Variants in PCDHA7 observed in about 807,000 individuals in gnomAD.
The protein encoded by PCDHA7 is protocadherin alpha 7, also known as protocadherin alpha-7.
PCDHA7 carries 37 observed loss-of-function variants against 57.2 expected under a neutral mutation model. The ratio of observed to expected loss-of-function variants is 0.65; its 90% CI spans 0.50 to 0.85. The LOEUF (loss-of-function observed/expected upper bound fraction) is 0.85, where lower values mean the gene tolerates loss of function less well. PCDHA7 is among the 40% of genes least tolerant of loss of function. PCDHA7 has a pLI of 0.00. For synonymous variants in PCDHA7, 553 were observed against 558.8 expected (o/e 0.99, Z 0.15); for missense variants, 1,188 against 1,241.8 (o/e 0.96, Z 0.65).
At chr5:140,915,259 T>A (rs1344301014) in intron 1 of PCDHA7, among the ~76,000 whole-genome samples, 2 of 152,182 alleles carry the variant, frequency 1.3e-5, no homozygotes, top group African/African-American at 2.4e-5. Flanking sequence ...GTTGTTATTA[T>A]TTTTGACCAG....
At chr5:140,959,412 A>G (rs2153722176) in intron 1 of PCDHA7, among the ~76,000 whole-genome samples, 1 of 152,256 alleles carries the variant, frequency 6.6e-6, no homozygotes, top group African/African-American at 2.4e-5. Context: ...GTGTTGATTG[A>G]TCTGAGAATT....
chr5:140,950,536 T>A (rs182006309), intron 1 of PCDHA7, among the ~76,000 whole-genome samples: 1 of 152,222 alleles, frequency 6.6e-6, no homozygotes, highest in East Asian at 1.9e-4. Flanking sequence ...TTTTTGTTGC[T>A]CTTGCATGGC....
At chr5:140,973,358 A>G (rs1450961086) in intron 1 of PCDHA7, among the ~76,000 whole-genome samples, 1 of 152,234 alleles carries the variant, frequency 6.6e-6, no homozygotes, top group Non-Finnish European at 1.5e-5. Flanking sequence ...GTGAATTTAT[A>G]AAAATTGCAC....
intron 1 of PCDHA7, among the ~76,000 whole-genome samples, chr5:140,910,901 C>T (rs1433262630): frequency 6.6e-6 from 1 of 152,142 alleles, no homozygotes; most frequent in African/African-American, 2.4e-5. Context: ...CTATGCCTGT[C>T]CTCCAGATTT....
chr5:140,891,756 G>A (rs782304941), intron 1 of PCDHA7, among the ~76,000 whole-genome samples: 20 of 152,144 alleles, frequency 1.3e-4, no homozygotes, highest in Non-Finnish European at 2.5e-4. Flanking sequence ...AACAGTGTTG[G>A]GAGGTGGGGA....
intron 1 of PCDHA7, among the ~76,000 whole-genome samples, chr5:140,912,343 AT>A (rs35252606): frequency 0.42 from 59,775 of 143,548 alleles, 12,483 homozygotes; most frequent in African/African-American, 0.57. Context: ...TACACTAAGT[AT>A]TTTTTTTTTT....
At chr5:140,883,521 T>G in intron 1 of PCDHA7, 1 of 1,614,202 alleles carries the variant, frequency 6.2e-7, no homozygotes, top group Non-Finnish European at 8.5e-7. Flanking sequence ...CGCGAGAGCG[T>G]ATCAGCCTAT....
In PCDHA7 at chr5:140,834,672, G is replaced by T; in HGVS notation, c.289G>T (p.Gly97Trp). 6.2e-7 allele frequency: 1 copy of T among 1,614,242 alleles called. No homozygotes were observed. The highest frequency in any genetic ancestry group is 8.5e-7 in the Non-Finnish European group (1 of 1,180,046). Residue 97 changes from glycine (G) to tryptophan (W), a missense_variant, in exon 1 of 4, where the codon GGG (glycine) becomes TGG (tryptophan). Transcript: ENST00000525929. The stretch of plus-strand genomic sequence containing the variant: ...TCGGATCGACCGCGAGGAGCTGTGC[G>T]GGCGGAGCGCGGAGTGCAGCATCCA... ...NSRIDREELC[G>W]RSAECSIHLE...
chr5:140,843,209 G>A, intron 1 of PCDHA7: 2 of 1,596,078 alleles, frequency 1.3e-6, no homozygotes, highest in African/African-American at 2.7e-5. Context: ...GTACACGGGC[G>A]AGATCAGCAC....
intron 3 of PCDHA7, among the ~76,000 whole-genome samples, chr5:140,983,854 T>C (rs1554245766): frequency 6.6e-6 from 1 of 152,206 alleles, no homozygotes; most frequent in Admixed American, 6.5e-5. Flanking sequence ...TTAAGTAACA[T>C]GCAGCTAAGG....
At chr5:140,882,452 C>A (rs782448323) in intron 1 of PCDHA7, 1 of 1,614,042 alleles carries the variant, frequency 6.2e-7, no homozygotes, top group East Asian at 2.2e-5. Context: ...GCTGGTGCCG[C>A]GCCTGTTCCG....
rs2066634766 is a variant in PCDHA7, at chr5:140,898,278, G to A, written c.2355+61540G>A. The stretch of plus-strand genomic sequence containing the variant: ...AAGTCCTTGCCCATGCCTAAGTTCT[G>A]AATGGTAATGCCTAGGTTTTCTTCT... On this transcript the variant is annotated intron_variant, in intron 1 of 3. Transcript: ENST00000525929. Among the ~76,000 whole-genome samples, 8 of 152,194 alleles carry A rather than the reference G, an allele frequency of 5.3e-5. No individual in the cohort carries two copies. The South Asian group carries it at 1.7e-3, about 31-fold the overall frequency.
At chr5:140,971,752 A>C (rs1367685618) in intron 1 of PCDHA7, among the ~76,000 whole-genome samples, 2 of 138,248 alleles carry the variant, frequency 1.4e-5, no homozygotes, top group Non-Finnish European at 3.3e-5. Context: ...TATATCTCAT[A>C]TTACTGAATC....
chr5:140,877,094 G>C, intron 1 of PCDHA7: 1 of 1,613,310 alleles, frequency 6.2e-7, no homozygotes, highest in Non-Finnish European at 8.5e-7. Flanking sequence ...CGCGACGCCG[G>C]CGTGCCGCCT....
intron 1 of PCDHA7, chr5:140,855,964 T>A: frequency 7.1e-7 from 1 of 1,408,442 alleles, no homozygotes; most frequent in Non-Finnish European, 9.6e-7. Context: ...AAAAAATAGA[T>A]ATAAGAAATA....
intron 1 of PCDHA7, among the ~76,000 whole-genome samples, chr5:140,878,566 A>G (rs2057645190): frequency 6.6e-6 from 1 of 152,262 alleles, no homozygotes. Context: ...AACTTATCAT[A>G]GTATACCACT....
intron 1 of PCDHA7, among the ~76,000 whole-genome samples, chr5:140,905,832 G>A (rs1292036271): frequency 1.3e-5 from 2 of 152,150 alleles, no homozygotes; most frequent in Non-Finnish European, 2.9e-5. Context: ...TGTATATAAA[G>A]GGGAGTTTAT....
At chr5:140,882,414 C>T in intron 1 of PCDHA7, 2 of 1,614,148 alleles carry the variant, frequency 1.2e-6, no homozygotes, top group Non-Finnish European at 8.5e-7. Flanking sequence ...GGCCGCATCG[C>T]TCAGGACCTG....
chr5:140,938,026 A>T (rs2091889452), intron 1 of PCDHA7, among the ~76,000 whole-genome samples: 1 of 152,144 alleles, frequency 6.6e-6, no homozygotes, highest in Non-Finnish European at 1.5e-5. Context: ...GTAAAATCTC[A>T]TATTTTTATA....
Sources: gnomAD v4.1 joint callset for allele counts (sites outside exome capture counted in the v4.1 genomes callset) on GRCh38, gnomAD v4.1.1 for gene constraint, MANE v1.5 for transcripts, NCBI Gene and HGNC (gene_info 2026-07-23, HGNC 2026-07-21) for gene names.